Variants in TP63 observed in about 807,000 individuals in gnomAD.
TP63 encodes tumor protein p63.
Under a neutral mutation model 82.8 loss-of-function variants are expected in TP63, and 17 were observed. The ratio of observed to expected loss-of-function variants is 0.21; its 90% CI spans 0.14 to 0.31. TP63 has a LOEUF of 0.31. Among genes scored for constraint, TP63 ranks in the 10% least tolerant of loss-of-function variants. The pLI is 1.00. For missense variants in TP63, 648 were observed against 895.3 expected (o/e 0.72, Z 3.52); for synonymous variants, 330 against 321.7 (o/e 1.03, Z -0.28).
chr3:189,826,573 A>C (rs1001131984), intron 4 of TP63, among the ~76,000 whole-genome samples: 1 of 152,226 alleles, frequency 6.6e-6, no homozygotes, highest in Non-Finnish European at 1.5e-5. Flanking sequence ...AACTGAAAGG[A>C]TTGTTTATCA....
intron 4 of TP63, among the ~76,000 whole-genome samples, chr3:189,838,315 T>A (rs1409610452): frequency 6.6e-6 from 1 of 152,204 alleles, no homozygotes. Context: ...TAGGTTTGTT[T>A]TTATTATTTT....
intron 1 of TP63, among the ~76,000 whole-genome samples, chr3:189,721,728 A>G (rs1719409686): frequency 6.6e-6 from 1 of 152,066 alleles, no homozygotes; most frequent in Non-Finnish European, 1.5e-5. Flanking sequence ...GGTGATTTCG[A>G]TTTGCTTATC....
chr3:189,658,431 G>GA (rs1377993395), intron 1 of TP63, among the ~76,000 whole-genome samples: 1 of 151,258 alleles, frequency 6.6e-6, no homozygotes, highest in Admixed American at 6.6e-5. Context: ...ATAGAAAGGG[G>GA]AAAAAAAAGA....
At position 189,770,393 on chromosome 3, in the gene TP63, C is replaced by T. The variant is rs34338056; in HGVS notation, c.324+31619C>T. On this transcript the variant is annotated intron_variant, in intron 3 of 13. Coordinates refer to ENST00000264731, the MANE Select transcript of TP63 (RefSeq NM_003722.5). ...CAGCCTGGCCAACATGGTGAAACCC[C>T]GTCTCTACTAAAAATACAAAAATTA... 5.3e-5 allele frequency among the ~76,000 whole-genome samples: 8 copies of T among 152,072 alleles called. No homozygotes were observed. In the East Asian group the frequency reaches 7.8e-4, roughly 15 times the overall value.
intron 11 of TP63, among the ~76,000 whole-genome samples, chr3:189,887,658 A>G (rs992943651): frequency 6.6e-6 from 1 of 152,196 alleles, no homozygotes; most frequent in African/African-American, 2.4e-5. Flanking sequence ...CCTCGGGGAT[A>G]CAGAAGACTG....
chr3:189,644,528 T>C (rs1712227100), intron 1 of TP63, among the ~76,000 whole-genome samples: 1 of 152,180 alleles, frequency 6.6e-6, no homozygotes, highest in African/African-American at 2.4e-5. Context: ...CTGCATTTTA[T>C]TTATTTTTAT....
At chr3:189,872,605 G>A (rs1024785305) in intron 9 of TP63, among the ~76,000 whole-genome samples, 1 of 152,128 alleles carries the variant, frequency 6.6e-6, no homozygotes, top group Non-Finnish European at 1.5e-5. Context: ...TACGGTATAA[G>A]AGCTACAAGA....
chr3:189,878,874 G>A (rs1286529851), intron 10 of TP63, among the ~76,000 whole-genome samples: 4 of 115,020 alleles, frequency 3.5e-5, no homozygotes, highest in Admixed American at 8.7e-5. Context: ...TGATCCCCCT[G>A]ACCTTGGCCT....
chr3:189,632,566 G>A (rs889505313), intron 1 of TP63, among the ~76,000 whole-genome samples: 1 of 152,052 alleles, frequency 6.6e-6, no homozygotes, highest in Non-Finnish European at 1.5e-5. Context: ...TTTCTGGTGG[G>A]TTGTGCGAAA....
intron 3 of TP63, among the ~76,000 whole-genome samples, chr3:189,792,275 G>A (rs563607464): frequency 3.3e-5 from 5 of 152,148 alleles, no homozygotes; most frequent in South Asian, 2.1e-4. Context: ...TGGGTACAGC[G>A]GAGAGGCCGC....
At chr3:189,883,050 G>A (rs1720093515) in intron 10 of TP63, among the ~76,000 whole-genome samples, 1 of 152,152 alleles carries the variant, frequency 6.6e-6, no homozygotes, top group Non-Finnish European at 1.5e-5. Flanking sequence ...GTTTTGGATA[G>A]GAGAGGAGAG....
chr3:189,887,425 G>A (rs1039811564), intron 11 of TP63, among the ~76,000 whole-genome samples: 2 of 152,044 alleles, frequency 1.3e-5, no homozygotes, highest in African/African-American at 2.4e-5. Flanking sequence ...ACTGATCTAC[G>A]AAGGAACCTG....
At chr3:189,889,025 C>T (rs915457157) in intron 11 of TP63, among the ~76,000 whole-genome samples, 2 of 152,004 alleles carry the variant, frequency 1.3e-5, no homozygotes, top group African/African-American at 2.4e-5. Context: ...ATATCACCCT[C>T]GAAGGCAAAT....
upstream of TP63, among the ~76,000 whole-genome samples, chr3:189,628,454 G>T (rs1190514633): frequency 6.6e-6 from 1 of 152,036 alleles, no homozygotes; most frequent in Non-Finnish European, 1.5e-5. Flanking sequence ...TGGCTCCTAG[G>T]AGTCAAGAAG....
chr3:189,801,032 C>A (rs1226652508), intron 3 of TP63, among the ~76,000 whole-genome samples: 2 of 151,998 alleles, frequency 1.3e-5, no homozygotes, highest in Admixed American at 1.3e-4. Flanking sequence ...CATTTAATCA[C>A]CCGTTGTTTT....
rs368121875 is a variant in TP63, at chr3:189,859,302, G to C, written c.580-4930G>C. Reference sequence around the variant, plus strand: ...AAAAGTGAAATTTCTGTGTTACAAAGGGGGAGAACACAGTCTGTATTACAA... The same window carrying C: ...AAAAGTGAAATTTCTGTGTTACAAACGGGGAGAACACAGTCTGTATTACAA... On this transcript the variant is annotated intron_variant, in intron 4 of 13. Transcript: ENST00000264731. Among the ~76,000 whole-genome samples the C allele has an allele frequency of 2.0e-5, 3 of 152,186 alleles. No individual in the cohort carries two copies. In the East Asian group the frequency reaches 5.8e-4, roughly 29 times the overall value.
At chr3:189,767,412 C>T (rs1026851015) in intron 3 of TP63, among the ~76,000 whole-genome samples, 1 of 152,184 alleles carries the variant, frequency 6.6e-6, no homozygotes, top group East Asian at 1.9e-4. Context: ...TAAACATGTA[C>T]CAATCTTTCA....
chr3:189,673,735 A>T (rs1715136331), intron 1 of TP63, among the ~76,000 whole-genome samples: 1 of 151,964 alleles, frequency 6.6e-6, no homozygotes, highest in South Asian at 2.1e-4. Context: ...GGGAATCACA[A>T]CTCAATTCAA....
At chr3:189,883,305 A>G (rs969358526) in intron 10 of TP63, among the ~76,000 whole-genome samples, 1 of 152,164 alleles carries the variant, frequency 6.6e-6, no homozygotes, top group Non-Finnish European at 1.5e-5. Flanking sequence ...TTTTGAAATT[A>G]ATAATAGACA....
Sources: gnomAD v4.1 joint callset for allele counts (sites outside exome capture counted in the v4.1 genomes callset) on GRCh38, gnomAD v4.1.1 for gene constraint, MANE v1.5 for transcripts, NCBI Gene and HGNC (gene_info 2026-07-23, HGNC 2026-07-21) for gene names.